PSAT1: variants seen among roughly 807,000 people sequenced by gnomAD.
PSAT1 encodes phosphoserine aminotransferase 1.
Under a neutral mutation model 40.3 loss-of-function variants are expected in PSAT1, and 41 were observed. The ratio of observed to expected loss-of-function variants is 1.02; its 90% CI spans 0.79 to 1.32. The LOEUF (loss-of-function observed/expected upper bound fraction) is 1.32. Ranked by LOEUF, PSAT1 falls within the 40% of genes most tolerant of loss-of-function variation. PSAT1 has a pLI of 0.00. For synonymous variants in PSAT1, 147 were observed against 170.5 expected (o/e 0.86, Z 1.07); for missense variants, 406 against 455.8 (o/e 0.89, Z 0.99).
intron 7 of PSAT1, among the ~76,000 whole-genome samples, chr9:78,326,293 AAG>A (rs1309134996): frequency 6.6e-6 from 1 of 152,188 alleles, no homozygotes; most frequent in Admixed American, 6.5e-5. Flanking sequence ...AGCAAAGGGA[AAG>A]AGAGGGTTAT....
intron 3 of PSAT1, among the ~76,000 whole-genome samples, chr9:78,303,380 T>C (rs1274007021): frequency 6.6e-6 from 1 of 152,170 alleles, no homozygotes; most frequent in African/African-American, 2.4e-5. Flanking sequence ...CTGTCCTTCA[T>C]GGAGTGGGTA....
intron 2 of PSAT1, among the ~76,000 whole-genome samples, chr9:78,300,957 G>A (rs533522702): frequency 1.1e-3 from 165 of 152,198 alleles, no homozygotes; most frequent in African/African-American, 3.8e-3. Flanking sequence ...AGGCTGATCT[G>A]AAACTCGTGG....
intron 5 of PSAT1, among the ~76,000 whole-genome samples, chr9:78,306,760 G>A (rs554180015): frequency 6.6e-6 from 1 of 152,330 alleles, no homozygotes; most frequent in African/African-American, 2.4e-5. Flanking sequence ...TCTTAGAAAC[G>A]TGTTTGGTCA....
At chr9:78,312,515 G>T (rs1483683292) in intron 6 of PSAT1, among the ~76,000 whole-genome samples, 1 of 151,908 alleles carries the variant, frequency 6.6e-6, no homozygotes, top group African/African-American at 2.4e-5. Flanking sequence ...GACCAACATG[G>T]ACAAACCCCG....
chr9:78,316,852 G>C (rs78095936), intron 6 of PSAT1, among the ~76,000 whole-genome samples: 1,734 of 152,304 alleles, frequency 0.011, 26 homozygotes, highest in Middle Eastern at 0.041. Flanking sequence ...CTAAGGATGT[G>C]GGTAGAAAAG....
At chr9:78,318,891 G>A (rs1244355699) in intron 7 of PSAT1, among the ~76,000 whole-genome samples, 1 of 152,180 alleles carries the variant, frequency 6.6e-6, no homozygotes, top group African/African-American at 2.4e-5. Flanking sequence ...CACCTAGTGC[G>A]GTGCCTTGGA....
intron 7 of PSAT1, 23 bp from the exon 8 acceptor site, chr9:78,328,027 TG>T: frequency 6.2e-7 from 1 of 1,606,946 alleles, no homozygotes; most frequent in Non-Finnish European, 8.5e-7. Context: ...GAAAAGTAGC[TG>T]GAATAATAAA....
chr9:78,297,178 C>T lies in PSAT1; in HGVS notation c.-33C>T, dbSNP rs1350953807. The T allele has an allele frequency of 6.3e-7, 1 of 1,586,904 alleles. No individual in the cohort carries two copies. Among genetic ancestry groups the T allele is most frequent in the Non-Finnish European group, 8.5e-7 (1 of 1,171,040 alleles). ...GCCAGCCGTTCACGCGTTCGGTCCT[C>T]CTTGGCTGACTCACCGCCCTGGCCG... On this transcript the variant is annotated 5_prime_UTR_variant, in exon 1 of 9. Coordinates refer to ENST00000376588, the MANE Select transcript of PSAT1 (RefSeq NM_058179.4).
intron 1 of PSAT1, 75 bp downstream of exon 1, chr9:78,297,345 G>A (rs896129034): frequency 3.3e-6 from 5 of 1,499,446 alleles, no homozygotes; most frequent in African/African-American, 1.4e-5. Context: ...GCATCCCTGC[G>A]TGTGGCAGTC....
intron 7 of PSAT1, among the ~76,000 whole-genome samples, chr9:78,324,500 A>C (rs1420429342): frequency 1.3e-5 from 2 of 152,066 alleles, no homozygotes; most frequent in Non-Finnish European, 2.9e-5. Context: ...CTCGGCCCTC[A>C]ACCCATTCAA....
In PSAT1 at chr9:78,304,753, T is replaced by C. The variant is rs1217450589; in HGVS notation, c.210T>C (p.Tyr70=). 6.2e-7 allele frequency: 1 copy of C among 1,613,968 alleles called. No homozygotes were observed. The highest frequency in any genetic ancestry group is 8.5e-7 in the Non-Finnish European group (1 of 1,179,856). ...TGCCCAGAGCTGTTCCAGACAACTATAAGGTGATTTTTCTGCAAGGAGGTG... is the reference window on the plus strand; with the variant it reads ...TGCCCAGAGCTGTTCCAGACAACTACAAGGTGATTTTTCTGCAAGGAGGTG... ...VRELLAVPDN[Y]KVIFLQGGGC... The change falls in exon 4 of 9, where the codon TAT becomes TAC. Residue 70 remains tyrosine, a synonymous_variant. Coordinates refer to ENST00000376588, the MANE Select transcript of PSAT1 (RefSeq NM_058179.4).
rs1352360659 is a variant in PSAT1 at position 78,329,493 on chromosome 9, G to A, written c.*407G>A. The A allele has an allele frequency of 7.7e-6, 2 of 261,044 alleles. No individual in the cohort carries two copies. The highest frequency in any genetic ancestry group is 4.5e-5 in the African/African-American group (2 of 44,084). 16.2% of individuals were successfully genotyped at this position (261,044 alleles called of 1,614,324 possible). ...GGTGCTGAATCTACACATCTGTGGG[G>A]TCTCCTGGGTTCAGCGGCTGTTGAT... On this transcript the variant is annotated 3_prime_UTR_variant, in exon 9 of 9. Coordinates refer to ENST00000376588, the MANE Select transcript of PSAT1 (RefSeq NM_058179.4).
chr9:78,321,433 A>G (rs2118694268), intron 7 of PSAT1, among the ~76,000 whole-genome samples: 1 of 152,316 alleles, frequency 6.6e-6, no homozygotes, highest in East Asian at 1.9e-4. Flanking sequence ...GTTGAGCAAC[A>G]TGGCCCCATG....
chr9:78,328,069 A>T lies in PSAT1; in HGVS notation c.888A>T (p.Gln296His). 6.2e-7 allele frequency: 1 copy of T among 1,611,558 alleles called. No homozygotes were observed. Among genetic ancestry groups the T allele is most frequent in the Non-Finnish European group, 8.5e-7 (1 of 1,179,388 alleles). Residue 296 changes from glutamine to histidine, a missense_variant, in exon 8 of 9, where the codon CAA (glutamine) becomes CAT (histidine). Physicochemically the swap from Gln to His is conservative, Grantham distance 24 (BLOSUM62 0). Transcript: ENST00000376588. ...QGFYVCPVEP[Q>H]NRSKMNIPFR... Reference sequence around the variant, plus strand: ...TTTTCAGTTGTCCAGTGGAGCCCCAAAATAGAAGCAAGATGAATATTCCAT... The same window carrying T: ...TTTTCAGTTGTCCAGTGGAGCCCCATAATAGAAGCAAGATGAATATTCCAT...
At chr9:78,312,063 TC>T (rs145243009) in intron 6 of PSAT1, among the ~76,000 whole-genome samples, 46,723 of 144,786 alleles carry the variant, frequency 0.32, 7,623 homozygotes, top group East Asian at 0.44. Flanking sequence ...TTTTTTTTTT[TC>T]CCCACAGAGT....
chr9:78,320,034 A>C (rs1226003608), intron 7 of PSAT1, among the ~76,000 whole-genome samples: 1 of 151,326 alleles, frequency 6.6e-6, no homozygotes, highest in Non-Finnish European at 1.5e-5. Flanking sequence ...CTATACATTC[A>C]TCCACTCATC....
intron 1 of PSAT1, among the ~76,000 whole-genome samples, chr9:78,300,129 A>G (rs1828085994): frequency 6.6e-6 from 1 of 152,168 alleles, no homozygotes; most frequent in East Asian, 1.9e-4. Context: ...GCACCCTGGG[A>G]CGAATCTTAT....
intron 7 of PSAT1, among the ~76,000 whole-genome samples, chr9:78,324,005 C>T (rs1335424197): frequency 6.6e-6 from 1 of 152,102 alleles, no homozygotes; most frequent in African/African-American, 2.4e-5. Flanking sequence ...TGAGCCTTAC[C>T]ACCTTCGTGG....
chr9:78,326,955 A>ATATAT lies in PSAT1; in HGVS notation c.870-1095_870-1094insATATT. On this transcript the variant is annotated intron_variant, in intron 7 of 8. Transcript: ENST00000376588. Reference sequence around the variant, plus strand: ...CAGCAATATATATATATATATATATATTTTTTTTTTTTTTTTTTGAGACAG... The same window carrying ATATAT: ...CAGCAATATATATATATATATATATATATATTTTTTTTTTTTTTTTTTTGAGACAG... Among the ~76,000 whole-genome samples the ATATAT allele has an allele frequency of 1.0e-3, 77 of 75,932 alleles. 1 individual carries two copies. Among genetic ancestry groups the ATATAT allele is most frequent in the South Asian group, 8.3e-3 (19 of 2,282 alleles). The allele number at this position is 75,932 out of a possible 152,430, so 49.8% of individuals were successfully genotyped here. A position where few individuals can be genotyped will look rare whatever the true frequency, so the allele number is the denominator to read the frequency against.
Sources: gnomAD v4.1 joint callset for allele counts (sites outside exome capture counted in the v4.1 genomes callset) on GRCh38, gnomAD v4.1.1 for gene constraint, MANE v1.5 for transcripts, NCBI Gene and HGNC (gene_info 2026-07-23, HGNC 2026-07-21) for gene names.